The following AKAP10 variants were observed in gnomAD, a reference collection of about 807,000 sequenced individuals.
The protein encoded by AKAP10 is A-kinase anchor protein 10, mitochondrial.
A neutral mutation model predicts 80.8 loss-of-function variants in AKAP10; 24 were observed. The observed-to-expected ratio is 0.30, with a 90% confidence interval of 0.22 to 0.42. AKAP10 has a LOEUF of 0.42. Ranked by LOEUF, AKAP10 falls within the 10% of genes least tolerant of loss-of-function variation. The pLI is 1.00. For missense variants in AKAP10, 661 were observed against 794.9 expected, an observed-to-expected ratio of 0.83 and a Z score of 2.03; for synonymous variants, 291 against 277.7, an observed-to-expected ratio of 1.05 and a Z score of -0.48.
chr17:19,934,191 G>A (rs955194707), intron 9 of AKAP10, among the ~76,000 whole-genome samples: 2 of 152,142 alleles, frequency 1.3e-5, no homozygotes, highest in Non-Finnish European at 2.9e-5. Context: ...AAAGTGCTGG[G>A]ATTACAGATG....
intron 1 of AKAP10, among the ~76,000 whole-genome samples, chr17:19,971,788 C>T (rs2043501184): frequency 6.6e-6 from 1 of 152,200 alleles, no homozygotes; most frequent in African/African-American, 2.4e-5. Context: ...TAGGATAAGC[C>T]TCTAGACATG....
chr17:19,946,256 TATATATATATATATATA>T (rs2043121138), intron 5 of AKAP10, among the ~76,000 whole-genome samples: 2 of 23,640 alleles, frequency 8.5e-5, no homozygotes, highest in African/African-American at 1.8e-4. Context: ...TATATATATA[TATATATATATATATATA>T]TATTTTTTTT....
chr17:19,947,318 GA>G, intron 5 of AKAP10, 88 bp downstream of exon 5: 3 of 1,018,316 alleles, frequency 2.9e-6, no homozygotes, highest in Non-Finnish European at 4.5e-6. Context: ...TCCATGTTAA[GA>G]AAAAATTATC....
At chr17:19,952,729 A>C (rs1467987675) in intron 4 of AKAP10, among the ~76,000 whole-genome samples, 2 of 152,192 alleles carry the variant, frequency 1.3e-5, no homozygotes, top group Non-Finnish European at 2.9e-5. Flanking sequence ...CACCCAGAAG[A>C]TATCATCCTG....
chr17:19,919,476 G>C (rs2042786625), intron 12 of AKAP10, among the ~76,000 whole-genome samples: 2 of 152,220 alleles, frequency 1.3e-5, no homozygotes, highest in African/African-American at 4.8e-5. Context: ...TTGAGGTCAG[G>C]AGTATGAGAC....
intron 1 of AKAP10, among the ~76,000 whole-genome samples, chr17:19,972,527 C>T (rs546346097): frequency 6.6e-6 from 1 of 152,298 alleles, no homozygotes; most frequent in East Asian, 1.9e-4. Flanking sequence ...GCGATCTCAG[C>T]TCACTGCAAG....
At chr17:19,941,763 C>T (rs2043052826) in intron 6 of AKAP10, 63 bp downstream of exon 6, 8 of 1,266,134 alleles carry the variant, frequency 6.3e-6, no homozygotes, top group Non-Finnish European at 8.6e-6. Context: ...TGAGTGAAGC[C>T]CATTCCTAAC....
chr17:19,937,975 CTT>C (rs547191721), intron 8 of AKAP10, among the ~76,000 whole-genome samples: 192 of 129,118 alleles, frequency 1.5e-3, no homozygotes, highest in Middle Eastern at 8.1e-3. Flanking sequence ...GACTGGAAAC[CTT>C]TTTTTTTTTT....
chr17:19,939,921 C>G lies in AKAP10; in HGVS notation c.1186-72G>C, dbSNP rs2043034926. 5 of 1,493,112 alleles carry G rather than the reference C, an allele frequency of 3.3e-6. No individual in the cohort carries two copies. In the Admixed American group the frequency reaches 1.1e-4, roughly 33 times the overall value. 92.5% of individuals were successfully genotyped at this position (1,493,112 alleles called of 1,614,324 possible). On this transcript the variant is annotated intron_variant, in intron 7 of 14. Coordinates refer to ENST00000225737, the MANE Select transcript of AKAP10 (RefSeq NM_007202.4). Reference sequence around the variant, plus strand: ...TCTCTCACAATCTCTAATCTATAAGCTCAAATATTAAAATACAGGTCATAA... The same window carrying G: ...TCTCTCACAATCTCTAATCTATAAGGTCAAATATTAAAATACAGGTCATAA...
rs1014814947 is a variant in AKAP10, at chr17:19,931,360, G to C, written c.1641+445C>G. On this transcript the variant is annotated intron_variant, in intron 10 of 14. Transcript: ENST00000225737. ...TAAGTTACCACAAATGCTTTGATTA[G>C]AAGATAGTAAGTAGGCTAATTTTAT... 4.0e-5 allele frequency among the ~76,000 whole-genome samples: 6 copies of C among 150,838 alleles called. No individual in the cohort carries two copies. In the East Asian group the frequency reaches 1.2e-3, roughly 29 times the overall value.
At chr17:19,931,205 T>TAC (rs2042928776) in intron 10 of AKAP10, among the ~76,000 whole-genome samples, 1 of 152,050 alleles carries the variant, frequency 6.6e-6, no homozygotes, top group African/African-American at 2.4e-5. Context: ...AATAAATACT[T>TAC]ACATAAAGAG....
At chr17:19,968,287 C>A in intron 2 of AKAP10, 127 bp downstream of exon 2, 12 of 568,484 alleles carry the variant, frequency 2.1e-5, no homozygotes, top group Admixed American at 3.3e-5. Flanking sequence ...AAATCAAAAT[C>A]ATAAGTAATT....
chr17:19,925,066 A>G (rs575267191), intron 10 of AKAP10, among the ~76,000 whole-genome samples: 1 of 152,254 alleles, frequency 6.6e-6, no homozygotes, highest in South Asian at 2.1e-4. Flanking sequence ...CTGGAGGCTG[A>G]GACATGAGAA....
chr17:19,972,890 TTTG>T (rs1046121414), intron 1 of AKAP10, among the ~76,000 whole-genome samples: 5 of 152,296 alleles, frequency 3.3e-5, no homozygotes, highest in Non-Finnish European at 5.9e-5. Flanking sequence ...GACTTCAAGT[TTTG>T]TTTTTTTAAC....
chr17:19,925,355 G>C (rs138276390), intron 10 of AKAP10, among the ~76,000 whole-genome samples: 60 of 152,182 alleles, frequency 3.9e-4, no homozygotes, highest in Non-Finnish European at 7.2e-4. Flanking sequence ...GAATGTTTTT[G>C]ATTCTTGGTG....
chr17:19,922,787 C>G (rs1243272058), intron 11 of AKAP10, among the ~76,000 whole-genome samples: 1 of 152,088 alleles, frequency 6.6e-6, no homozygotes, highest in African/African-American at 2.4e-5. Context: ...GTAGTCCCAG[C>G]TACTTGGGAG....
intron 6 of AKAP10, among the ~76,000 whole-genome samples, 179 bp downstream of exon 6, chr17:19,941,647 A>C (rs1410704864): frequency 1.3e-5 from 2 of 152,254 alleles, no homozygotes; most frequent in Non-Finnish European, 2.9e-5. Flanking sequence ...TTAAGAGTTC[A>C]CATAATTTAT....
intron 5 of AKAP10, among the ~76,000 whole-genome samples, chr17:19,946,258 T>A (rs1295036432): frequency 1.6e-4 from 4 of 24,682 alleles, no homozygotes; most frequent in African/African-American, 6.7e-4. Flanking sequence ...TATATATATA[T>A]ATATATATAT....
chr17:19,975,198 T>A (rs2043549772), intron 1 of AKAP10, among the ~76,000 whole-genome samples: 1 of 152,140 alleles, frequency 6.6e-6, no homozygotes, highest in African/African-American at 2.4e-5. Context: ...AGCAATTTTT[T>A]AAATGTTTTG....
Sources: gnomAD v4.1 joint callset for allele counts (sites outside exome capture counted in the v4.1 genomes callset) on GRCh38, gnomAD v4.1.1 for gene constraint, MANE v1.5 for transcripts, NCBI Gene and HGNC (gene_info 2026-07-23, HGNC 2026-07-21) for gene names.